Variants in PCDHGA6 observed in about 807,000 individuals in gnomAD.
PCDHGA6 encodes protocadherin gamma-A6.
Under a neutral mutation model 60.6 loss-of-function variants are expected in PCDHGA6, and 41 were observed. The observed-to-expected ratio is 0.68, with a 90% confidence interval of 0.53 to 0.88. PCDHGA6 has a LOEUF of 0.88. Ranked by LOEUF, PCDHGA6 falls within the 40% of genes least tolerant of loss-of-function variation. The pLI, the probability that PCDHGA6 is intolerant of heterozygous loss-of-function variation, is 0.00. For missense variants in PCDHGA6, 1,312 were observed against 1,203.0 expected, an observed-to-expected ratio of 1.09 and a Z score of -1.34; for synonymous variants, 594 against 524.4, an observed-to-expected ratio of 1.13 and a Z score of -1.81.
At chr5:141,508,434 G>A (rs2099868795) in intron 3 of PCDHGA6, among the ~76,000 whole-genome samples, 1 of 152,160 alleles carries the variant, frequency 6.6e-6, no homozygotes, top group Admixed American at 6.5e-5. Flanking sequence ...AGCTCACACA[G>A]TTCCTTAGTG....
chr5:141,392,700 T>C, intron 1 of PCDHGA6: 1 of 1,257,648 alleles, frequency 8.0e-7, no homozygotes, highest in Non-Finnish European at 1.1e-6. Flanking sequence ...GACCCCTGTT[T>C]GGAGGCACTC....
intron 1 of PCDHGA6, chr5:141,440,036 A>T (rs540100930): frequency 6.5e-6 from 1 of 153,058 alleles, no homozygotes; most frequent in Non-Finnish European, 1.5e-5. Context: ...TGTCGAGGAC[A>T]TGCCCACTTG....
At chr5:141,478,785 A>C in intron 1 of PCDHGA6, 1 of 1,482,486 alleles carries the variant, frequency 6.7e-7, no homozygotes, top group Non-Finnish European at 9.0e-7. Flanking sequence ...GACCTAATTC[A>C]CATCCTCAGC....
intron 1 of PCDHGA6, chr5:141,393,311 C>T: frequency 6.2e-7 from 1 of 1,613,484 alleles, no homozygotes; most frequent in Non-Finnish European, 8.5e-7. Context: ...GCGTGAACTC[C>T]CTCCAGAGCT....
chr5:141,406,096 G>A (rs966441415), intron 1 of PCDHGA6, among the ~76,000 whole-genome samples: 1 of 150,800 alleles, frequency 6.6e-6, no homozygotes, highest in Non-Finnish European at 1.5e-5. Context: ...TTAAGAGATG[G>A]GGGTGTCATT....
rs148433768 is a variant in PCDHGA6 at position 141,385,635 on chromosome 5, C to T, written c.2424+9128C>T. 5.7e-6 allele frequency: 5 copies of T among 870,078 alleles called. No homozygotes were observed. The African/African-American group carries it at 8.9e-5, about 15-fold the overall frequency. 53.9% of individuals were successfully genotyped at this position (870,078 alleles called of 1,614,324 possible). A position where few individuals can be genotyped will look rare whatever the true frequency, so the allele number is the denominator to read the frequency against. On this transcript the variant is annotated intron_variant, in intron 1 of 3. Transcript: ENST00000517434. ...TTTTATACATTGGAATGAATCGAGT[C>T]TTTCATATTGCACAAGGTTAGCAGG...
chr5:141,429,741 C>T (rs2097240604), intron 1 of PCDHGA6, among the ~76,000 whole-genome samples: 1 of 152,106 alleles, frequency 6.6e-6, no homozygotes, highest in Admixed American at 6.5e-5. Flanking sequence ...CCAGTTATTT[C>T]TTAGGGAGAA....
At chr5:141,405,246 A>G (rs1163477660) in intron 1 of PCDHGA6, 10 of 1,614,126 alleles carry the variant, frequency 6.2e-6, no homozygotes, top group Non-Finnish European at 8.5e-6. Flanking sequence ...GACTCAAGGA[A>G]GAGTCACCTG....
intron 1 of PCDHGA6, chr5:141,387,786 C>T: frequency 1.4e-6 from 2 of 1,473,828 alleles, no homozygotes; most frequent in Non-Finnish European, 1.8e-6. Flanking sequence ...ACTGGAACTG[C>T]AACTAAAGTC....
At position 141,511,482 on chromosome 5, in the gene PCDHGA6, C is replaced by A. The variant is rs761434245; in HGVS notation, c.*309C>A. ...CACACCCCGTTTAGTTACAGCTGAA[C>A]TCCTCCATCTTCCAAATCAATCAGG... On this transcript the variant is annotated 3_prime_UTR_variant, in exon 4 of 4. Coordinates refer to ENST00000517434, the MANE Select transcript of PCDHGA6 (RefSeq NM_018919.3). The A allele has an allele frequency of 2.4e-4, 113 of 464,462 alleles. No homozygotes were observed. Among genetic ancestry groups the A allele is most frequent in the Non-Finnish European group, 4.0e-4 (105 of 260,154 alleles). The allele number at this position is 464,462 out of a possible 1,614,324, so 28.8% of individuals were successfully genotyped here. A position where few individuals can be genotyped will look rare whatever the true frequency, so the allele number is the denominator to read the frequency against.
rs770657408 is a variant in PCDHGA6 at position 141,375,613 on chromosome 5, C to T, written c.1530C>T (p.Asp510=). ...CCTCCTACGTGTCCATCAACTCCGA[C>T]ACTGGGATTCTGTACGCCCTGCGCT... ...PLSSYVSINS[D]TGILYALRSF... The change falls in exon 1 of 4, where the codon GAC becomes GAT. Residue 510 remains aspartate, a synonymous_variant. Coordinates refer to ENST00000517434, the MANE Select transcript of PCDHGA6 (RefSeq NM_018919.3). The T allele has an allele frequency of 1.2e-6, 2 of 1,614,226 alleles. No individual in the cohort carries two copies. Among genetic ancestry groups the T allele is most frequent in the Non-Finnish European group, 1.7e-6 (2 of 1,180,050 alleles).
intron 1 of PCDHGA6, chr5:141,478,270 C>G (rs1347709530): frequency 5.6e-6 from 9 of 1,614,078 alleles, no homozygotes; most frequent in Non-Finnish European, 6.8e-6. Context: ...TCAAAGTTTA[C>G]AAGTGGAAGC....
rs961341807 is a variant in PCDHGA6 at position 141,486,262 on chromosome 5, A to G, written c.2425-8545A>G. The G allele has an allele frequency of 6.2e-6, 10 of 1,613,912 alleles. No individual in the cohort carries two copies. Among genetic ancestry groups the G allele is most frequent in the Non-Finnish European group, 8.5e-6 (10 of 1,179,986 alleles). On this transcript the variant is annotated intron_variant, in intron 1 of 3. Transcript: ENST00000517434. This position sits in a 1 kb window ranked among gnomAD's most constrained non-coding sequence, Gnocchi z 5.0. ...AGCTTGGAACCCTCCCCGAGAGTGC[A>G]GAACCTGGCACTGTGGTGGCACTTA...
chr5:141,433,397 A>ATCTATCTATCTG (rs2097600396), intron 1 of PCDHGA6, among the ~76,000 whole-genome samples: 2 of 150,410 alleles, frequency 1.3e-5, no homozygotes, highest in African/African-American at 2.5e-5. Flanking sequence ...CTATCTATCT[A>ATCTATCTATCTG]TCTATCTATT....
intron 1 of PCDHGA6, chr5:141,413,395 G>C: frequency 6.2e-7 from 1 of 1,614,050 alleles, no homozygotes; most frequent in Non-Finnish European, 8.5e-7. Context: ...AGTCTCCAGA[G>C]GTAGGACGCA....
chr5:141,416,523 C>G (rs2096035969), intron 1 of PCDHGA6: 1 of 152,064 alleles, frequency 6.6e-6, no homozygotes, highest in Admixed American at 6.6e-5. Flanking sequence ...TTCAGTGGCT[C>G]TTTAATGTAT....
intron 1 of PCDHGA6, chr5:141,384,866 C>T: frequency 6.2e-7 from 1 of 1,613,720 alleles, no homozygotes; most frequent in African/African-American, 1.3e-5. Flanking sequence ...CCTCTGTCAG[C>T]CACCGTCACA....
At chr5:141,450,642 A>C (rs2098688710) in intron 1 of PCDHGA6, among the ~76,000 whole-genome samples, 1 of 151,504 alleles carries the variant, frequency 6.6e-6, no homozygotes, top group Non-Finnish European at 1.5e-5. Context: ...GCCTGCCACC[A>C]TGCCTGGCTA....
At chr5:141,415,695 T>C (rs1284418994) in intron 1 of PCDHGA6, 1 of 1,537,350 alleles carries the variant, frequency 6.5e-7, no homozygotes, top group South Asian at 1.2e-5. Context: ...TGGTGGAAAG[T>C]GTAAATGCTA....
Sources: allele counts gnomAD v4.1 joint callset (sites outside exome capture counted in the v4.1 genomes callset), GRCh38; gene constraint gnomAD v4.1.1; non-coding constraint Gnocchi (gnomAD v3.1); transcripts MANE v1.5; gene names NCBI Gene and HGNC (gene_info 2026-07-23, HGNC 2026-07-21).